The following CDC42BPA variants were observed in gnomAD, a reference collection of about 807,000 sequenced individuals.
CDC42BPA encodes CDC42 binding protein kinase alpha.
A neutral mutation model predicts 223.5 loss-of-function variants in CDC42BPA; 80 were observed. The ratio of observed to expected loss-of-function variants is 0.36; its 90% CI spans 0.30 to 0.43. CDC42BPA has a LOEUF of 0.43. Ranked by LOEUF, CDC42BPA falls within the 20% of genes least tolerant of loss-of-function variation. The probability of loss-of-function intolerance (pLI) is 1.00; values close to 1 mark genes in which losing one functional copy is unlikely to be tolerated. For missense variants in CDC42BPA, 1,743 were observed against 2,099.9 expected, an observed-to-expected ratio of 0.83 and a Z score of 3.32; for synonymous variants, 694 against 718.6, an observed-to-expected ratio of 0.97 and a Z score of 0.55.
intron 5 of CDC42BPA, among the ~76,000 whole-genome samples, chr1:227,189,381 A>G (rs1335604928): frequency 6.6e-6 from 1 of 152,232 alleles, no homozygotes; most frequent in Non-Finnish European, 1.5e-5. Context: ...GAACCAAAGG[A>G]TGAAACTATC....
At chr1:227,224,719 T>C (rs568692908) in intron 2 of CDC42BPA, among the ~76,000 whole-genome samples, 8 of 152,346 alleles carry the variant, frequency 5.3e-5, no homozygotes, top group African/African-American at 1.4e-4. Context: ...GGTAACATTA[T>C]TGTGGATTAG....
chr1:227,133,013 G>C (rs1007271336), intron 10 of CDC42BPA, among the ~76,000 whole-genome samples: 1 of 151,664 alleles, frequency 6.6e-6, no homozygotes, highest in African/African-American at 2.4e-5. Flanking sequence ...ATCTCCGCCC[G>C]GCAGCCACCC....
chr1:227,038,286 G>A (rs1478674869), intron 24 of CDC42BPA, among the ~76,000 whole-genome samples: 1 of 152,140 alleles, frequency 6.6e-6, no homozygotes, highest in African/African-American at 2.4e-5. Context: ...ATGATTGTGA[G>A]GCCTCCCCAG....
At chr1:227,183,471 C>G (rs1199907993) in intron 5 of CDC42BPA, 1 of 152,172 alleles carries the variant, frequency 6.6e-6, no homozygotes, top group Admixed American at 6.5e-5. Context: ...AGATTTAATT[C>G]TTCTCACAAA....
At chr1:227,284,611 C>A (rs1162998062) in intron 1 of CDC42BPA, among the ~76,000 whole-genome samples, 14 of 152,120 alleles carry the variant, frequency 9.2e-5, no homozygotes, top group African/African-American at 3.4e-4. Flanking sequence ...AACTTCAGAG[C>A]AACATTTGAT....
chr1:227,101,139 T>A lies in CDC42BPA; in HGVS notation c.2102A>T (p.Glu701Val). The A allele has an allele frequency of 6.3e-7, 1 of 1,578,080 alleles. No homozygotes were observed. Among genetic ancestry groups the A allele is most frequent in the African/African-American group, 1.3e-5 (1 of 74,278 alleles). ...TDLEKKSIFY[E>V]EELSKREGIH... is the part of the protein sequence containing the mutation. ...TCCTTCTCTTTTAGATAATTCTTCTTCATAAAAGATACTTTTCTTTTCCAA... is the reference window on the plus strand; with the variant it reads ...TCCTTCTCTTTTAGATAATTCTTCTACATAAAAGATACTTTTCTTTTCCAA... The change falls in exon 15 of 37, where the codon GAA (glutamate) becomes GTA (valine). Residue 701 changes from glutamate to valine, a missense_variant. Physicochemically the swap from Glu to Val is moderately radical, Grantham distance 121. Coordinates refer to ENST00000366766, the MANE Select transcript of CDC42BPA (RefSeq NM_001394014.1).
chr1:227,203,444 G>A (rs1438133609), intron 3 of CDC42BPA, among the ~76,000 whole-genome samples: 3 of 152,040 alleles, frequency 2.0e-5, no homozygotes, highest in African/African-American at 7.2e-5. Flanking sequence ...CCCTGTTCTA[G>A]ATCAATATTA....
In CDC42BPA at chr1:226,994,337, G is replaced by A; in HGVS notation, c.5196C>T (p.Ser1732=). The part of the protein sequence containing the change: ...SNSSNLSSPP[S]PASPRKTKSL... ...TCTTGGTTTTTCGGGGTGAAGCTGG[G>A]CTTGGGGGGCTGCTTAGGTTGGAAC... is the stretch of plus-strand genomic sequence containing the variant. Residue 1732 remains serine, a synonymous_variant, in exon 37 of 37, where the codon AGC becomes AGT. Transcript: ENST00000366766. This position sits in a 1 kb window ranked among gnomAD's most constrained non-coding sequence, Gnocchi z 4.0. 1.3e-6 allele frequency: 2 copies of A among 1,597,642 alleles called. No homozygotes were observed. Among genetic ancestry groups the A allele is most frequent in the South Asian group, 1.1e-5 (1 of 88,602 alleles).
intron 17 of CDC42BPA, among the ~76,000 whole-genome samples, chr1:227,079,623 A>T (rs1298652292): frequency 1.3e-5 from 2 of 152,162 alleles, no homozygotes; most frequent in Non-Finnish European, 2.9e-5. Flanking sequence ...TTAATGAACC[A>T]ATAACTGTAC....
intron 5 of CDC42BPA, among the ~76,000 whole-genome samples, chr1:227,162,319 A>T (rs1018300590): frequency 1.3e-5 from 2 of 152,136 alleles, no homozygotes; most frequent in Non-Finnish European, 1.5e-5. Context: ...ACTGAAAAAC[A>T]TAAGTATTCT....
chr1:227,270,782 C>G (rs1416184371), intron 1 of CDC42BPA, among the ~76,000 whole-genome samples: 1 of 152,136 alleles, frequency 6.6e-6, no homozygotes, highest in Non-Finnish European at 1.5e-5. Context: ...AACCACTAAT[C>G]TACATTCTGT....
intron 15 of CDC42BPA, among the ~76,000 whole-genome samples, chr1:227,093,046 T>C (rs953499824): frequency 2.0e-5 from 3 of 152,216 alleles, no homozygotes; most frequent in Non-Finnish European, 2.9e-5. Flanking sequence ...CATGTCTCCT[T>C]TTCTTATGAA....
Position 227,317,196 on chromosome 1 carries a change from TCTG to T in CDC42BPA, c.-17_-15del, listed in dbSNP as rs776397515. On this transcript the variant is annotated 5_prime_UTR_variant, in exon 1 of 37. Transcript: ENST00000366766. ...TTCTCCAGACATGTTTGCTTCGATTTCTGCTGGTTTTCCTTTAAATTATTATGA... is the reference window on the plus strand; with the variant it reads ...TTCTCCAGACATGTTTGCTTCGATTTCTGGTTTTCCTTTAAATTATTATGA... 7 of 1,592,796 alleles carry T rather than the reference TCTG, an allele frequency of 4.4e-6. No homozygotes were observed. The highest frequency in any genetic ancestry group is 1.8e-5 in the Admixed American group (1 of 55,134).
chr1:227,289,558 T>G (rs189149651), intron 1 of CDC42BPA, among the ~76,000 whole-genome samples: 69 of 152,294 alleles, frequency 4.5e-4, no homozygotes, highest in African/African-American at 9.6e-4. Context: ...TACATGTCTA[T>G]TTCCTGACCT....
chr1:227,003,083 A>G (rs1232304549), intron 35 of CDC42BPA, among the ~76,000 whole-genome samples: 1 of 152,256 alleles, frequency 6.6e-6, no homozygotes, highest in Non-Finnish European at 1.5e-5. Context: ...CTAAAAAAAA[A>G]ATACCTGGGC....
chr1:227,018,988 T>C lies in CDC42BPA; in HGVS notation c.4616-1938A>G, dbSNP rs576141605. 1.1e-4 allele frequency among the ~76,000 whole-genome samples: 16 copies of C among 152,212 alleles called. No homozygotes were observed. The South Asian group carries it at 3.3e-3, about 32-fold the overall frequency. On this transcript the variant is annotated intron_variant, in intron 32 of 36. Transcript: ENST00000366766. ...GGTGGCTGCTGAAGGCTGGAATGGC[T>C]GTGGCAATTTCTTAAAGTGAGACAT...
intron 11 of CDC42BPA, among the ~76,000 whole-genome samples, chr1:227,125,043 T>G (rs1226798174): frequency 2.0e-5 from 3 of 152,012 alleles, no homozygotes; most frequent in African/African-American, 7.2e-5. Context: ...ATCCCAGAAT[T>G]AGAACTAAAG....
rs975416122 is a variant in CDC42BPA, at chr1:227,199,152, G to A, written c.450+405C>T. The stretch of plus-strand genomic sequence containing the variant: ...TGTAAAGTTAGAATGAGATGAGAAA[G>A]ATTAATTTCAGTGGAAAATTCTGGA... On this transcript the variant is annotated intron_variant, in intron 4 of 36. Transcript: ENST00000366766. Among the ~76,000 whole-genome samples the A allele has an allele frequency of 6.6e-5, 10 of 152,168 alleles. 1 individual carries two copies. Among genetic ancestry groups the A allele is most frequent in the African/African-American group, 2.4e-4 (10 of 41,428 alleles).
chr1:227,196,338 C>CTTTTTTTTTTTTTTTTCTTTTT (rs1553388919), intron 4 of CDC42BPA, among the ~76,000 whole-genome samples: 1,748 of 92,068 alleles, frequency 0.019, 87 homozygotes, highest in Non-Finnish European at 0.028. Flanking sequence ...TTAAACAATA[C>CTTTTTTTTTTTTTTTTCTTTTT]TTTTTTTTTT....
Sources: gnomAD v4.1 joint callset for allele counts (sites outside exome capture counted in the v4.1 genomes callset) on GRCh38, gnomAD v4.1.1 for gene constraint, Gnocchi (gnomAD v3.1) non-coding constraint, MANE v1.5 for transcripts, NCBI Gene and HGNC (gene_info 2026-07-23, HGNC 2026-07-21) for gene names.